SPOCK1: variants seen among roughly 807,000 people sequenced by gnomAD.
SPOCK1 encodes the protein testican-1.
A neutral mutation model predicts 55.3 loss-of-function variants in SPOCK1; 23 were observed. The ratio of observed to expected loss-of-function variants is 0.42; its 90% CI spans 0.30 to 0.59. The LOEUF (loss-of-function observed/expected upper bound fraction) is 0.59. Ranked by LOEUF, SPOCK1 falls within the 20% of genes least tolerant of loss-of-function variation. The probability of loss-of-function intolerance (pLI) is 0.22; values close to 1 mark genes in which losing one functional copy is unlikely to be tolerated. For synonymous variants in SPOCK1, 226 were observed against 221.0 expected (o/e 1.02, Z -0.20); for missense variants, 499 against 552.5 (o/e 0.90, Z 0.97).
chr5:137,222,202 T>C (rs1381612372), intron 3 of SPOCK1, among the ~76,000 whole-genome samples: 1 of 152,024 alleles, frequency 6.6e-6, no homozygotes, highest in Non-Finnish European at 1.5e-5. Context: ...CCTGGGCAAA[T>C]CCAGAGTACA....
At chr5:137,230,783 G>A (rs1452579185) in intron 3 of SPOCK1, among the ~76,000 whole-genome samples, 1 of 108,742 alleles carries the variant, frequency 9.2e-6, no homozygotes, top group South Asian at 3.1e-4. Context: ...GCAGTTGTAA[G>A]AAATAATCCA....
At chr5:137,141,821 G>A (rs568737108) in intron 3 of SPOCK1, among the ~76,000 whole-genome samples, 1 of 152,300 alleles carries the variant, frequency 6.6e-6, no homozygotes, top group South Asian at 2.1e-4. Context: ...TTGTAGGGAG[G>A]CAGTAATGAG....
At chr5:137,161,704 T>C (rs1352749786) in intron 3 of SPOCK1, among the ~76,000 whole-genome samples, 1 of 152,146 alleles carries the variant, frequency 6.6e-6, no homozygotes, top group African/African-American at 2.4e-5. Flanking sequence ...GCATGCTTGA[T>C]AACATCCTGG....
At chr5:136,991,096 A>G (rs1750940061) in intron 7 of SPOCK1, among the ~76,000 whole-genome samples, 1 of 152,158 alleles carries the variant, frequency 6.6e-6, no homozygotes, top group South Asian at 2.1e-4. Context: ...AAAGCCTCTT[A>G]GGGGACTCAA....
At chr5:137,431,616 G>T (rs1752747625) in intron 2 of SPOCK1, among the ~76,000 whole-genome samples, 1 of 152,202 alleles carries the variant, frequency 6.6e-6, no homozygotes, top group East Asian at 1.9e-4. Context: ...GTGCCATTCT[G>T]GAGGTAGTGA....
At chr5:137,128,715 C>T (rs911918341) in intron 4 of SPOCK1, among the ~76,000 whole-genome samples, 1 of 152,168 alleles carries the variant, frequency 6.6e-6, no homozygotes, top group Admixed American at 6.5e-5. Flanking sequence ...GAGCCAGTGT[C>T]CTCATATGCT....
chr5:137,202,870 T>C lies in SPOCK1; in HGVS notation c.233-62176A>G, dbSNP rs141825618. ...AAGCCTTTTAAACTCGCTGGACAAG[T>C]AGCTTCAGAAAATCTGTGGCTGATC... On this transcript the variant is annotated intron_variant, in intron 3 of 10. Transcript: ENST00000394945. Among the ~76,000 whole-genome samples the C allele has an allele frequency of 4.0e-3, 603 of 152,360 alleles. 3 individuals carry two copies. Among genetic ancestry groups the C allele is most frequent in the African/African-American group, 0.014 (575 of 41,590 alleles).
intron 2 of SPOCK1, among the ~76,000 whole-genome samples, chr5:137,393,875 T>C (rs563125284): frequency 6.6e-6 from 1 of 152,346 alleles, no homozygotes; most frequent in Non-Finnish European, 1.5e-5. Context: ...TCCACAGATC[T>C]AGAGGGTTCA....
At chr5:137,126,154 C>T (rs1753778645) in intron 4 of SPOCK1, among the ~76,000 whole-genome samples, 1 of 152,148 alleles carries the variant, frequency 6.6e-6, no homozygotes, top group African/African-American at 2.4e-5. Flanking sequence ...TGAGTTCTTG[C>T]TCTTTTCATG....
intron 4 of SPOCK1, among the ~76,000 whole-genome samples, chr5:137,113,722 T>C (rs538514436): frequency 6.6e-6 from 1 of 152,186 alleles, no homozygotes; most frequent in Non-Finnish European, 1.5e-5. Flanking sequence ...ATTATTACAA[T>C]TATTACTTGC....
chr5:137,456,454 C>T (rs1212979133), intron 2 of SPOCK1, among the ~76,000 whole-genome samples: 2 of 152,168 alleles, frequency 1.3e-5, no homozygotes, highest in Admixed American at 1.3e-4. Context: ...ACTTCTAATT[C>T]TCTAACTATA....
intron 2 of SPOCK1, among the ~76,000 whole-genome samples, chr5:137,404,792 A>C (rs1298554704): frequency 6.6e-6 from 1 of 152,094 alleles, no homozygotes; most frequent in East Asian, 1.9e-4. Context: ...TGGGTTTGTC[A>C]CCTCTGGTGC....
chr5:137,475,494 T>C (rs1298792777), intron 2 of SPOCK1, among the ~76,000 whole-genome samples: 1 of 152,232 alleles, frequency 6.6e-6, no homozygotes, highest in Non-Finnish European at 1.5e-5. Context: ...CATTATTATA[T>C]TAATGTTAAA....
At chr5:137,203,362 T>G (rs573948204) in intron 3 of SPOCK1, among the ~76,000 whole-genome samples, 3 of 152,070 alleles carry the variant, frequency 2.0e-5, no homozygotes, top group East Asian at 1.9e-4. Context: ...TCACGAGAGC[T>G]TCAGCATCAC....
Position 137,437,427 on chromosome 5 carries a change from G to A in SPOCK1, c.186+60946C>T, listed in dbSNP as rs904273900. Among the ~76,000 whole-genome samples the A allele has an allele frequency of 5.9e-5, 9 of 152,134 alleles. No individual in the cohort carries two copies. In the South Asian group the frequency reaches 1.2e-3, roughly 21 times the overall value. The stretch of plus-strand genomic sequence containing the variant: ...AACAATTTTATTGAGATCATCATCC[G>A]TATACCATACAATTCACCCAATTAA... On this transcript the variant is annotated intron_variant, in intron 2 of 10. Transcript: ENST00000394945.
intron 3 of SPOCK1, among the ~76,000 whole-genome samples, chr5:137,192,399 C>T (rs550450687): frequency 2.0e-5 from 3 of 152,188 alleles, no homozygotes; most frequent in South Asian, 2.1e-4. Flanking sequence ...AAGTTCAACA[C>T]GGCAGAGTCG....
rs561895399 is a variant in SPOCK1, at chr5:137,171,443, T to C, written c.233-30749A>G. Among the ~76,000 whole-genome samples, 3 of 152,288 alleles carry C rather than the reference T, an allele frequency of 2.0e-5. No homozygotes were observed. The East Asian group carries it at 5.8e-4, about 29-fold the overall frequency. On this transcript the variant is annotated intron_variant, in intron 3 of 10. Transcript: ENST00000394945. ...TGCTGAGTTTAACTGAGAAGCGACC[T>C]TCTTGAAGCCACCACATGAAAGGGC...
At chr5:137,060,847 T>C (rs1752383107) in intron 6 of SPOCK1, among the ~76,000 whole-genome samples, 1 of 152,194 alleles carries the variant, frequency 6.6e-6, no homozygotes, top group Non-Finnish European at 1.5e-5. Context: ...AAACCTGTGG[T>C]GCACTTTCCC....
At chr5:137,442,462 G>A (rs1241926869) in intron 2 of SPOCK1, among the ~76,000 whole-genome samples, 3 of 152,194 alleles carry the variant, frequency 2.0e-5, no homozygotes, top group Non-Finnish European at 4.4e-5. Context: ...CTGCACTGGT[G>A]AAATGACAAT....
Sources: gnomAD v4.1 joint callset for allele counts (sites outside exome capture counted in the v4.1 genomes callset) on GRCh38, gnomAD v4.1.1 for gene constraint, MANE v1.5 for transcripts, NCBI Gene and HGNC (gene_info 2026-07-23, HGNC 2026-07-21) for gene names.